The following NOVA1 variants were observed in gnomAD, a reference collection of about 807,000 sequenced individuals.
NOVA1 encodes RNA-binding protein Nova-1.
NOVA1 carries 7 observed loss-of-function variants against 38.0 expected under a neutral mutation model. The ratio of observed to expected loss-of-function variants is 0.18; its 90% CI spans 0.10 to 0.35. The LOEUF (loss-of-function observed/expected upper bound fraction) is 0.35. Ranked by LOEUF, NOVA1 falls within the 10% of genes least tolerant of loss-of-function variation. NOVA1 has a pLI of 1.00. For synonymous variants in NOVA1, 270 were observed against 232.5 expected (o/e 1.16, Z -1.47); for missense variants, 460 against 616.0 (o/e 0.75, Z 2.68).
chr14:26,451,221 CTTT>C (rs1264940205), intron 4 of NOVA1, among the ~76,000 whole-genome samples: 1 of 151,786 alleles, frequency 6.6e-6, no homozygotes, highest in Non-Finnish European at 1.5e-5. Context: ...CAGTTTTTTT[CTTT>C]TTAACTCTAA....
chr14:26,488,987 A>G (rs1886127320), intron 2 of NOVA1, among the ~76,000 whole-genome samples: 1 of 152,174 alleles, frequency 6.6e-6, no homozygotes, highest in South Asian at 2.1e-4. Context: ...TAAGAAACTC[A>G]GAAGTGTGAC....
intron 2 of NOVA1, among the ~76,000 whole-genome samples, chr14:26,495,199 T>A (rs1260688702): frequency 6.6e-6 from 1 of 152,148 alleles, no homozygotes; most frequent in African/African-American, 2.4e-5. Flanking sequence ...CTTAGCTCAA[T>A]AATACCTTAT....
At chr14:26,583,703 T>C (rs1320570538) in intron 2 of NOVA1, among the ~76,000 whole-genome samples, 2 of 151,526 alleles carry the variant, frequency 1.3e-5, no homozygotes, top group African/African-American at 2.4e-5. Context: ...TTGATTCTTA[T>C]GTGAAATACT....
chr14:26,581,117 T>G (rs1393064799), intron 2 of NOVA1, among the ~76,000 whole-genome samples: 2 of 152,046 alleles, frequency 1.3e-5, no homozygotes, highest in Admixed American at 6.6e-5. Flanking sequence ...AATGACTGAT[T>G]AAAATAGTAC....
intron 2 of NOVA1, among the ~76,000 whole-genome samples, chr14:26,590,405 CT>C (rs1337457064): frequency 3.3e-5 from 5 of 151,894 alleles, no homozygotes; most frequent in Non-Finnish European, 7.4e-5. Flanking sequence ...CTCCACTGAA[CT>C]GGACAAAACT....
At chr14:26,560,199 T>C (rs1256688869) in intron 2 of NOVA1, among the ~76,000 whole-genome samples, 1 of 152,132 alleles carries the variant, frequency 6.6e-6, no homozygotes, top group Admixed American at 6.5e-5. Context: ...CTATGATTTG[T>C]CATATTTAAT....
At chr14:26,557,523 G>A (rs1891565254) in intron 2 of NOVA1, among the ~76,000 whole-genome samples, 1 of 139,220 alleles carries the variant, frequency 7.2e-6, no homozygotes, top group African/African-American at 2.7e-5. Flanking sequence ...TACCATGACT[G>A]GCTAATTTTT....
chr14:26,488,653 T>C (rs1886101100), intron 2 of NOVA1, among the ~76,000 whole-genome samples: 1 of 152,222 alleles, frequency 6.6e-6, no homozygotes. Flanking sequence ...ATAGCAATCC[T>C]AGTTATGTCA....
chr14:26,567,290 A>ATTTTTTTTT (rs372263187), intron 2 of NOVA1, among the ~76,000 whole-genome samples: 11 of 93,720 alleles, frequency 1.2e-4, no homozygotes, highest in Admixed American at 3.0e-4. Flanking sequence ...GTCTTGTTTA[A>ATTTTTTTTT]TTTTTTTTTT....
chr14:26,559,508 T>A (rs192080327), intron 2 of NOVA1, among the ~76,000 whole-genome samples: 44 of 152,340 alleles, frequency 2.9e-4, no homozygotes, highest in Admixed American at 9.1e-4. Context: ...CAATGAATGA[T>A]ATTCAAGATA....
intron 4 of NOVA1, 73 bp from the exon 5 acceptor site, chr14:26,449,036 A>G: frequency 5.2e-6 from 7 of 1,342,066 alleles, no homozygotes; most frequent in Non-Finnish European, 6.0e-6. Context: ...TTGCTATCCT[A>G]GAAAAGTAAA....
chr14:26,479,896 C>T, intron 3 of NOVA1, 81 bp downstream of exon 3: 1 of 1,447,954 alleles, frequency 6.9e-7, no homozygotes, highest in Non-Finnish European at 9.4e-7. Flanking sequence ...AAGTTTTATG[C>T]TAACACTTTA....
intron 2 of NOVA1, among the ~76,000 whole-genome samples, chr14:26,542,733 CAAAAAA>C (rs71121888): frequency 1.6e-5 from 2 of 125,894 alleles, no homozygotes. Context: ...TTTGTAATGG[CAAAAAA>C]AAAAAAAAAA....
intron 2 of NOVA1, among the ~76,000 whole-genome samples, chr14:26,529,728 T>C (rs1024174446): frequency 4.6e-5 from 7 of 152,170 alleles, no homozygotes; most frequent in African/African-American, 1.4e-4. Flanking sequence ...CCTTAGGGTA[T>C]AGTGGCACAC....
At chr14:26,458,305 A>T (rs1483007221) in intron 4 of NOVA1, among the ~76,000 whole-genome samples, 2 of 152,124 alleles carry the variant, frequency 1.3e-5, no homozygotes, top group African/African-American at 4.8e-5. Context: ...CTACTATTTG[A>T]CCCAGCAATC....
chr14:26,503,143 G>T (rs776103474), intron 2 of NOVA1, among the ~76,000 whole-genome samples: 2 of 151,858 alleles, frequency 1.3e-5, no homozygotes, highest in African/African-American at 4.8e-5. Context: ...TGAAACTGGG[G>T]AAACTTGCAA....
intron 3 of NOVA1, among the ~76,000 whole-genome samples, chr14:26,473,633 A>G (rs918138741): frequency 3.9e-5 from 6 of 151,988 alleles, no homozygotes; most frequent in Non-Finnish European, 5.9e-5. Context: ...AAAAAAAAGA[A>G]TAAGAAATTT....
chr14:26,464,939 T>C (rs1424412809), intron 4 of NOVA1, among the ~76,000 whole-genome samples: 1 of 152,162 alleles, frequency 6.6e-6, no homozygotes, highest in Admixed American at 6.6e-5. Context: ...GATATGTATA[T>C]GATACATACT....
intron 2 of NOVA1, among the ~76,000 whole-genome samples, chr14:26,552,995 T>C (rs778504221): frequency 6.6e-6 from 1 of 152,078 alleles, no homozygotes. Context: ...ATAAGGACTT[T>C]GGGTTTGTTT....
Sources: gnomAD v4.1 joint callset for allele counts (sites outside exome capture counted in the v4.1 genomes callset) on GRCh38, gnomAD v4.1.1 for gene constraint, MANE v1.5 for transcripts, NCBI Gene and HGNC (gene_info 2026-07-23, HGNC 2026-07-21) for gene names.